PPP1R12C: variants seen among roughly 807,000 people sequenced by gnomAD.
The protein encoded by PPP1R12C is protein phosphatase 1 regulatory subunit 12C, also known as leukocyte receptor cluster (LRC) encoded novel gene 3.
A neutral mutation model predicts 95.6 loss-of-function variants in PPP1R12C; 48 were observed. The observed-to-expected ratio is 0.50, with a 90% confidence interval of 0.40 to 0.64. The LOEUF (loss-of-function observed/expected upper bound fraction) is 0.64. Ranked by LOEUF, PPP1R12C falls within the 30% of genes least tolerant of loss-of-function variation. The probability of loss-of-function intolerance (pLI) is 0.00; values close to 1 mark genes in which losing one functional copy is unlikely to be tolerated. For synonymous variants in PPP1R12C, 480 were observed against 460.8 expected, an observed-to-expected ratio of 1.04 and a Z score of -0.53; for missense variants, 1,057 against 1,083.3, an observed-to-expected ratio of 0.98 and a Z score of 0.34.
At chr19:55,104,451 C>T (rs2085015970) in intron 3 of PPP1R12C, among the ~76,000 whole-genome samples, 1 of 151,338 alleles carries the variant, frequency 6.6e-6, no homozygotes, top group African/African-American at 2.4e-5. Context: ...GCCTGTAATC[C>T]CAACACTTTG....
chr19:55,095,577 C>A lies in PPP1R12C; in HGVS notation c.1254G>T (p.Arg418Ser). 6.3e-7 allele frequency: 1 copy of A among 1,577,418 alleles called. No homozygotes were observed. Among genetic ancestry groups the A allele is most frequent in the Non-Finnish European group, 8.6e-7 (1 of 1,165,634 alleles). ...PVQLEEAPFS[R>S]RFGLLKTGSS... ...TCCCTGTCTTCAGGAGGCCAAAGCG[C>A]CTGGAGAAGGGGGCCTCTTCAAGCT... Residue 418 changes from arginine to serine, a missense_variant, in exon 10 of 22, where the codon AGG becomes AGT. Coordinates refer to ENST00000263433, the MANE Select transcript of PPP1R12C (RefSeq NM_017607.4).
chr19:55,110,966 G>T (rs1283470232), intron 3 of PPP1R12C, among the ~76,000 whole-genome samples: 2 of 151,846 alleles, frequency 1.3e-5, no homozygotes, highest in Non-Finnish European at 2.9e-5. Flanking sequence ...AGAAAGGATA[G>T]GAAAAAATGT....
At chr19:55,096,422 A>C (rs1287518829) in intron 6 of PPP1R12C, 87 bp from the exon 7 acceptor site, 638 of 1,459,812 alleles carry the variant, frequency 4.4e-4, no homozygotes, top group Middle Eastern at 6.4e-4. Context: ...GCAGGAGCTC[A>C]CTGCCCAGGC....
chr19:55,099,876 G>A (rs953740147), intron 4 of PPP1R12C, among the ~76,000 whole-genome samples: 1 of 152,248 alleles, frequency 6.6e-6, no homozygotes, highest in African/African-American at 2.4e-5. Flanking sequence ...TATTTTTGGA[G>A]AACTGGAATG....
chr19:55,101,174 G>A (rs2084975398), intron 4 of PPP1R12C, among the ~76,000 whole-genome samples: 2 of 152,072 alleles, frequency 1.3e-5, no homozygotes, highest in Admixed American at 1.3e-4. Flanking sequence ...CTTGAACCCA[G>A]GGGACAGAGG....
Position 55,109,215 on chromosome 19 carries a change from C to T in PPP1R12C, c.571+3252G>A, listed in dbSNP as rs2085069921. On this transcript the variant is annotated intron_variant, in intron 3 of 21. Transcript: ENST00000263433. The surrounding 1 kb of genome is among the most constrained non-coding windows in gnomAD (Gnocchi z 4.4). The stretch of plus-strand genomic sequence containing the variant: ...TCCCAGGCTCAAGCAATCTTCTCAC[C>T]TCAGCCTACTGAGTAGCTGGGAGCG... 6.6e-6 allele frequency among the ~76,000 whole-genome samples: 1 copy of T among 152,236 alleles called. No individual in the cohort carries two copies. Among genetic ancestry groups the T allele is most frequent in the Non-Finnish European group, 1.5e-5 (1 of 68,052 alleles).
chr19:55,100,611 T>A (rs914905819), intron 4 of PPP1R12C, among the ~76,000 whole-genome samples: 2 of 152,226 alleles, frequency 1.3e-5, no homozygotes, highest in Non-Finnish European at 2.9e-5. Context: ...TTTTGTTTTG[T>A]TTTGGTTTGG....
At chr19:55,095,127 C>T in intron 11 of PPP1R12C, 164 bp downstream of exon 11, 1 of 846,334 alleles carries the variant, frequency 1.2e-6, no homozygotes, top group Non-Finnish European at 1.9e-6. Flanking sequence ...TCAACACAGA[C>T]CTGAGGGAGG....
chr19:55,110,079 C>T (rs1218067032), intron 3 of PPP1R12C, among the ~76,000 whole-genome samples: 1 of 152,172 alleles, frequency 6.6e-6, no homozygotes, highest in Non-Finnish European at 1.5e-5. Context: ...TGAGCAATTT[C>T]TGCAGGAAAA....
chr19:55,094,630 G>A, intron 12 of PPP1R12C, 31 bp downstream of exon 12: 2 of 1,550,290 alleles, frequency 1.3e-6, no homozygotes, highest in Non-Finnish European at 1.7e-6. Flanking sequence ...CTGGGGGCGG[G>A]GGCGGCAGCT....
intron 3 of PPP1R12C, among the ~76,000 whole-genome samples, chr19:55,111,139 G>T (rs1405119916): frequency 7.0e-6 from 1 of 141,994 alleles, no homozygotes; most frequent in African/African-American, 2.8e-5. Context: ...GGGCTTCGTG[G>T]GGTGGGGGGG....
chr19:55,112,622 C>T, intron 2 of PPP1R12C, 37 bp from the exon 3 acceptor site: 1 of 1,612,452 alleles, frequency 6.2e-7, no homozygotes, highest in Non-Finnish European at 8.5e-7. Flanking sequence ...AGGGTCCAGG[C>T]CCCCACCCCG....
chr19:55,092,380 C>T (rs976410988), intron 18 of PPP1R12C, 54 bp from the exon 19 acceptor site: 1 of 1,147,874 alleles, frequency 8.7e-7, no homozygotes, highest in Non-Finnish European at 1.3e-6. Context: ...GCTGGGGGGG[C>T]GGGGAAGCCA....
chr19:55,103,735 G>A (rs1355126281), intron 3 of PPP1R12C, among the ~76,000 whole-genome samples, 167 bp from the exon 4 acceptor site: 1 of 152,106 alleles, frequency 6.6e-6, no homozygotes, highest in Non-Finnish European at 1.5e-5. Flanking sequence ...TTTCCCAACT[G>A]TACTCCATGC....
intron 3 of PPP1R12C, among the ~76,000 whole-genome samples, chr19:55,104,199 T>TATATATATATATATATATATACACACAC (rs34075382): frequency 5.0e-5 from 6 of 120,036 alleles, no homozygotes; most frequent in African/African-American, 1.8e-4. Context: ...TATATATATA[T>TATATATATATATATATATATACACACAC]ACACACACAC....
At position 55,109,722 on chromosome 19, in the gene PPP1R12C, C is replaced by T. The variant is rs2085075033; in HGVS notation, c.571+2745G>A. 6.6e-6 allele frequency among the ~76,000 whole-genome samples: 1 copy of T among 152,244 alleles called. No homozygotes were observed. Among genetic ancestry groups the T allele is most frequent in the African/African-American group, 2.4e-5 (1 of 41,456 alleles). ...AGAGCCAGTCTGGATGCCAGCACCT[C>T]GGGGAATTCTGCATCATGTGGGCGT... is the stretch of plus-strand genomic sequence containing the variant. On this transcript the variant is annotated intron_variant, in intron 3 of 21. Transcript: ENST00000263433. This position sits in a 1 kb window ranked among gnomAD's most constrained non-coding sequence, Gnocchi z 4.4.
chr19:55,108,336 C>T (rs906889892), intron 3 of PPP1R12C, among the ~76,000 whole-genome samples: 4 of 152,036 alleles, frequency 2.6e-5, no homozygotes, highest in African/African-American at 4.8e-5. Flanking sequence ...AAATTAAAAT[C>T]GTGTACCCTA....
At chr19:55,095,964 G>A (rs754263201) in intron 8 of PPP1R12C, 24 bp from the exon 9 acceptor site, 7 of 1,610,488 alleles carry the variant, frequency 4.3e-6, no homozygotes, top group Non-Finnish European at 5.9e-6. Context: ...ACACCGGGCA[G>A]GTCACAGAAG....
chr19:55,094,447 G>A lies in PPP1R12C; in HGVS notation c.1593-12C>T, dbSNP rs1464774013. The A allele has an allele frequency of 6.2e-7, 1 of 1,613,492 alleles. No individual in the cohort carries two copies. The highest frequency in any genetic ancestry group is 1.1e-5 in the South Asian group (1 of 91,070). The stretch of plus-strand genomic sequence containing the variant: ...GCATCTGGTAGGACCTGAGGGAAGG[G>A]TCCCAACCTCAGACAGGGAACCTGG... On this transcript the variant is annotated splice_polypyrimidine_tract_variant and intron_variant, in intron 12 of 21. Coordinates refer to ENST00000263433, the MANE Select transcript of PPP1R12C (RefSeq NM_017607.4).
Sources: gnomAD v4.1 joint callset for allele counts (sites outside exome capture counted in the v4.1 genomes callset) on GRCh38, gnomAD v4.1.1 for gene constraint, Gnocchi (gnomAD v3.1) non-coding constraint, MANE v1.5 for transcripts, NCBI Gene and HGNC (gene_info 2026-07-23, HGNC 2026-07-21) for gene names.